Variants in SAMSN1 observed in about 807,000 individuals in gnomAD.
The protein encoded by SAMSN1 is SAM domain-containing protein SAMSN-1.
In SAMSN1, 31 loss-of-function variants were observed where a neutral mutation model predicts 42.0. The observed-to-expected ratio is 0.74, with a 90% confidence interval of 0.55 to 1.00. The LOEUF (loss-of-function observed/expected upper bound fraction) is 1.00. SAMSN1 is among the 50% of genes least tolerant of loss of function. The probability of loss-of-function intolerance (pLI) is 0.00; values close to 1 mark genes in which losing one functional copy is unlikely to be tolerated. For missense variants in SAMSN1, 464 were observed against 439.4 expected (o/e 1.06, Z -0.50); for synonymous variants, 178 against 151.9 (o/e 1.17, Z -1.26).
intron 2 of SAMSN1, among the ~76,000 whole-genome samples, chr21:14,578,156 C>A (rs1316854660): frequency 2.0e-5 from 3 of 152,120 alleles, no homozygotes; most frequent in Admixed American, 6.5e-5. Flanking sequence ...ATATTAATAA[C>A]CTTGCTTAAC....
intron 1 of SAMSN1, among the ~76,000 whole-genome samples, chr21:14,644,872 T>C (rs750341306): frequency 6.6e-6 from 1 of 152,088 alleles, no homozygotes; most frequent in Admixed American, 6.5e-5. Flanking sequence ...AGAGCATCTG[T>C]GGTAGTCTAG....
At position 14,656,062 on chromosome 21, in the gene SAMSN1, T is replaced by C. The variant is rs568171607; in HGVS notation, c.24+2686A>G. ...AATTACAAAATATTATTGAAGGCTATGAAAGAATTGAATAAAGAGTTATCT... is the reference window on the plus strand; with the variant it reads ...AATTACAAAATATTATTGAAGGCTACGAAAGAATTGAATAAAGAGTTATCT... On this transcript the variant is annotated intron_variant, in intron 1 of 15. Coordinates refer to the SAMSN1 transcript ENST00000647101. Among the ~76,000 whole-genome samples, 4 of 151,874 alleles carry C rather than the reference T, an allele frequency of 2.6e-5. No individual in the cohort carries two copies. In the South Asian group the frequency reaches 8.3e-4, roughly 31 times the overall value.
intron 1 of SAMSN1, among the ~76,000 whole-genome samples, chr21:14,545,525 C>T (rs1033681524): frequency 1.5e-5 from 2 of 130,858 alleles, no homozygotes; most frequent in Admixed American, 1.8e-4. Context: ...TGAACTTTAT[C>T]CCATGTTATA....
chr21:14,602,138 C>A, intron 5 of SAMSN1: 1 of 548,268 alleles, frequency 1.8e-6, no homozygotes, highest in Non-Finnish European at 3.4e-6. Context: ...GAATATCAGA[C>A]ATTACAGGAT....
chr21:14,504,837 A>C (rs548275676), intron 5 of SAMSN1, among the ~76,000 whole-genome samples: 1 of 152,356 alleles, frequency 6.6e-6, no homozygotes, highest in South Asian at 2.1e-4. Context: ...GAATCTTAAG[A>C]GCAATGAGAC....
rs563875875 is a variant in SAMSN1, at chr21:14,498,349, C to A, written c.919+93G>T. On this transcript the variant is annotated intron_variant, in intron 7 of 7. Coordinates refer to ENST00000400566, the MANE Select transcript of SAMSN1 (RefSeq NM_022136.5). ...ATGGGAAAGCGTGCTTTCATGATCT[C>A]AGTAAATAAAACTGGGGCTTTGTTT... 1.2e-4 allele frequency: 128 copies of A among 1,071,216 alleles called. 1 individual carries two copies. The African/African-American group carries it at 1.9e-3, about 16-fold the overall frequency. 66.4% of individuals were successfully genotyped at this position (1,071,216 alleles called of 1,614,324 possible).
intron 5 of SAMSN1, among the ~76,000 whole-genome samples, chr21:14,602,532 G>C (rs537975169): frequency 6.6e-6 from 1 of 152,306 alleles, no homozygotes; most frequent in Non-Finnish European, 1.5e-5. Flanking sequence ...AATTATTTAT[G>C]TTGAAATTGT....
intron 2 of SAMSN1, among the ~76,000 whole-genome samples, chr21:14,639,067 T>C (rs1298446237): frequency 6.6e-6 from 1 of 152,208 alleles, no homozygotes; most frequent in African/African-American, 2.4e-5. Context: ...TTTAAAAGGC[T>C]CAAGTTTTCT....
chr21:14,567,813 C>T (rs779008758), intron 2 of SAMSN1, among the ~76,000 whole-genome samples: 6 of 152,084 alleles, frequency 3.9e-5, no homozygotes, highest in Non-Finnish European at 7.4e-5. Context: ...TCCTCAATCT[C>T]GGTGCCCTGT....
chr21:14,530,244 G>A (rs1260414706), intron 1 of SAMSN1, among the ~76,000 whole-genome samples: 2 of 149,472 alleles, frequency 1.3e-5, no homozygotes, highest in African/African-American at 2.4e-5. Flanking sequence ...GTGAACCTGG[G>A]AGGCGGAGCT....
At chr21:14,656,004 A>T (rs456884) in intron 1 of SAMSN1, among the ~76,000 whole-genome samples, 116,099 of 151,470 alleles carry the variant, frequency 0.77, 45,037 homozygotes, top group Middle Eastern at 0.89. Context: ...TAACAATAAA[A>T]TTATCAAAAG....
chr21:14,497,168 T>C (rs2822706), intron 7 of SAMSN1, among the ~76,000 whole-genome samples: 40,978 of 152,100 alleles, frequency 0.27, 6,153 homozygotes, highest in Non-Finnish European at 0.33. Flanking sequence ...TCTTAACTCA[T>C]CATAAAAATG....
At chr21:14,624,782 C>G (rs1030258685) in intron 2 of SAMSN1, among the ~76,000 whole-genome samples, 16 of 152,174 alleles carry the variant, frequency 1.1e-4, no homozygotes, top group African/African-American at 3.9e-4. Context: ...TTTTATGAGG[C>G]CAGCATCATC....
chr21:14,647,616 G>T (rs1263851743), intron 1 of SAMSN1, among the ~76,000 whole-genome samples: 1 of 135,820 alleles, frequency 7.4e-6, no homozygotes, highest in Non-Finnish European at 1.6e-5. Flanking sequence ...TCCTAACCAT[G>T]AGCATGGAAT....
At chr21:14,622,669 G>C (rs550559775) in intron 2 of SAMSN1, among the ~76,000 whole-genome samples, 1 of 152,322 alleles carries the variant, frequency 6.6e-6, no homozygotes, top group East Asian at 1.9e-4. Flanking sequence ...GTGACGGGGA[G>C]AATGGAACCA....
chr21:14,549,632 A>G (rs1430982285), upstream of SAMSN1, among the ~76,000 whole-genome samples: 2 of 152,268 alleles, frequency 1.3e-5, no homozygotes, highest in African/African-American at 4.8e-5. Flanking sequence ...AATAAGCAAA[A>G]TAAGGTTGTC....
chr21:14,561,931 G>C (rs935965986), intron 2 of SAMSN1, among the ~76,000 whole-genome samples: 1 of 152,058 alleles, frequency 6.6e-6, no homozygotes. Flanking sequence ...AACAAGGAAG[G>C]AGTCTCTCCT....
chr21:14,544,518 C>T (rs776504391), intron 1 of SAMSN1, among the ~76,000 whole-genome samples: 3 of 152,170 alleles, frequency 2.0e-5, no homozygotes, highest in Non-Finnish European at 2.9e-5. Flanking sequence ...GCCTGTGCCT[C>T]TATATTCACA....
intron 6 of SAMSN1, among the ~76,000 whole-genome samples, chr21:14,596,760 A>T (rs564266379): frequency 1.3e-5 from 2 of 152,262 alleles, no homozygotes; most frequent in South Asian, 4.1e-4. Context: ...AGGGAGTTAG[A>T]AACAAACCTT....
Sources: allele counts gnomAD v4.1 joint callset (sites outside exome capture counted in the v4.1 genomes callset), GRCh38; gene constraint gnomAD v4.1.1; transcripts MANE v1.5; gene names NCBI Gene and HGNC (gene_info 2026-07-23, HGNC 2026-07-21).